The following CLDN18 variants were observed in gnomAD, a reference collection of about 807,000 sequenced individuals.
The protein encoded by CLDN18 is claudin 18.
A neutral mutation model predicts 25.0 loss-of-function variants in CLDN18; 20 were observed. The ratio of observed to expected loss-of-function variants is 0.80; its 90% CI spans 0.56 to 1.16. The LOEUF is 1.16. Among genes scored for constraint, CLDN18 ranks in the 50% most tolerant of loss-of-function variants. The pLI is 0.00. For synonymous variants in CLDN18, 125 were observed against 135.6 expected, an observed-to-expected ratio of 0.92 and a Z score of 0.54; for missense variants, 297 against 345.4, an observed-to-expected ratio of 0.86 and a Z score of 1.11.
intron 1 of CLDN18, among the ~76,000 whole-genome samples, chr3:138,011,122 A>G (rs1942133122): frequency 6.6e-6 from 1 of 152,218 alleles, no homozygotes; most frequent in African/African-American, 2.4e-5. Flanking sequence ...TGCTTTTAAT[A>G]TAGATAATTA....
intron 3 of CLDN18, among the ~76,000 whole-genome samples, chr3:138,028,476 C>T (rs1197895274): frequency 6.6e-6 from 1 of 152,146 alleles, no homozygotes; most frequent in Non-Finnish European, 1.5e-5. Flanking sequence ...TAGCTTGTGT[C>T]GTAGACTTTA....
At chr3:138,015,873 G>C (rs889291590) in intron 1 of CLDN18, among the ~76,000 whole-genome samples, 8 of 152,150 alleles carry the variant, frequency 5.3e-5, no homozygotes, top group African/African-American at 1.9e-4. Context: ...GGAACTTACA[G>C]CTATAGAAGA....
chr3:138,030,115 G>A (rs1346433217), intron 4 of CLDN18, among the ~76,000 whole-genome samples: 1 of 152,224 alleles, frequency 6.6e-6, no homozygotes, highest in Non-Finnish European at 1.5e-5. Context: ...GATCCTATTT[G>A]AAAGAAAAAT....
intron 1 of CLDN18, among the ~76,000 whole-genome samples, chr3:138,019,649 T>C (rs1942248188): frequency 6.6e-6 from 1 of 152,212 alleles, no homozygotes; most frequent in African/African-American, 2.4e-5. Flanking sequence ...CCTTGAAATT[T>C]TGCTTTGAAT....
At chr3:138,016,377 T>C (rs1282239994) in intron 1 of CLDN18, among the ~76,000 whole-genome samples, 1 of 151,018 alleles carries the variant, frequency 6.6e-6, no homozygotes, top group East Asian at 1.9e-4. Context: ...TATATGGGGG[T>C]TGACCCATTT....
chr3:138,010,573 GAAT>G lies in CLDN18; in HGVS notation c.220+131_220+133del, dbSNP rs1406541960. The G allele has an allele frequency of 1.1e-5, 13 of 1,201,392 alleles. No individual in the cohort carries two copies. The African/African-American group carries it at 1.4e-4, about 13-fold the overall frequency. The allele number at this position is 1,201,392 out of a possible 1,614,324, so 74.4% of individuals were successfully genotyped here. The stretch of plus-strand genomic sequence containing the variant: ...AGCTCTGGCTCAGAATGAAAGGTGT[GAAT>G]AAAAGGAGAAGCTGGCTCGTGTCTA... On this transcript the variant is annotated intron_variant, in intron 1 of 4. Coordinates refer to ENST00000183605, the MANE Select transcript of CLDN18 (RefSeq NM_016369.4).
At position 138,032,203 on chromosome 3, in the gene CLDN18, T is replaced by G. The variant is rs1227637356; in HGVS notation, c.*1062T>G. 6.6e-6 allele frequency: 1 copy of G among 152,296 alleles called. No homozygotes were observed. The highest frequency in any genetic ancestry group is 1.9e-4 in the East Asian group (1 of 5,186). 9.4% of individuals were successfully genotyped at this position (152,296 alleles called of 1,614,324 possible). On this transcript the variant is annotated 3_prime_UTR_variant, in exon 5 of 5. Transcript: ENST00000183605. ...GGGAGGCTGAGGAGGAAGGATCACT[T>G]GAGCCCAGAAGTTCGAGACTAGCCT...
At position 138,018,662 on chromosome 3, in the gene CLDN18, G is replaced by C. The variant is rs954721320; in HGVS notation, c.221-4996G>C. ...TCAAGGCCTTTTATAAGGCCTCAAC[G>C]TCATTCCTGAGGGTACCTCCTACAG... On this transcript the variant is annotated intron_variant, in intron 1 of 4. Transcript: ENST00000183605. Among the ~76,000 whole-genome samples the C allele has an allele frequency of 5.3e-5, 8 of 152,324 alleles. No homozygotes were observed. The East Asian group carries it at 9.6e-4, about 18-fold the overall frequency.
chr3:138,031,229 T>A lies in CLDN18; in HGVS notation c.*88T>A. 8.1e-7 allele frequency: 1 copy of A among 1,241,068 alleles called. No individual in the cohort carries two copies. Among genetic ancestry groups the A allele is most frequent in the Non-Finnish European group, 1.1e-6 (1 of 902,026 alleles). The allele number at this position is 1,241,068 out of a possible 1,614,324, so 76.9% of individuals were successfully genotyped here. The stretch of plus-strand genomic sequence containing the variant: ...AGATCCCATCTAGATTTCTTCTTGC[T>A]TTTGACTCACAGCTGGAAGTTAGAA... On this transcript the variant is annotated 3_prime_UTR_variant, in exon 5 of 5. Transcript: ENST00000183605.
intron 1 of CLDN18, among the ~76,000 whole-genome samples, chr3:138,001,332 C>T (rs1246145371): frequency 6.6e-6 from 1 of 151,556 alleles, no homozygotes; most frequent in Non-Finnish European, 1.5e-5. Flanking sequence ...CAGAATTCTC[C>T]TTGAATGGGG....
In CLDN18 at chr3:138,015,261, C is replaced by A. The variant is rs149669963; in HGVS notation, c.220+4816C>A. 1.7e-3 allele frequency among the ~76,000 whole-genome samples: 255 copies of A among 152,202 alleles called. 1 individual carries two copies. Among genetic ancestry groups the A allele is most frequent in the African/African-American group, 5.8e-3 (240 of 41,520 alleles). On this transcript the variant is annotated intron_variant, in intron 1 of 4. Coordinates refer to ENST00000183605, the MANE Select transcript of CLDN18 (RefSeq NM_016369.4). ...AACAATGCAAGGAGATAAAACAGCC[C>A]GAGATGACACCTGTGGGGCTCCTAA...
chr3:138,018,397 C>T (rs894051024), intron 1 of CLDN18, among the ~76,000 whole-genome samples: 24 of 138,096 alleles, frequency 1.7e-4, no homozygotes, highest in East Asian at 1.1e-3. Flanking sequence ...AGTGCAGTGG[C>T]GGGATCTCGG....
At position 138,016,928 on chromosome 3, in the gene CLDN18, C is replaced by T. The variant is rs571542701; in HGVS notation, c.220+6483C>T. On this transcript the variant is annotated intron_variant, in intron 1 of 4. Transcript: ENST00000183605. ...CAAATTAGTCAGGCATGGTGGCATG[C>T]GCCTCTAGTCCCAGCTACTAGGGAA... 7.8e-4 allele frequency among the ~76,000 whole-genome samples: 119 copies of T among 152,148 alleles called. 1 individual carries two copies. The highest frequency in any genetic ancestry group is 1.3e-3 in the Non-Finnish European group (85 of 67,994).
intron 1 of CLDN18, among the ~76,000 whole-genome samples, chr3:138,020,491 TTATC>T (rs1942257827): frequency 6.6e-6 from 1 of 152,204 alleles, no homozygotes; most frequent in Admixed American, 6.5e-5. Context: ...AAGTTCTACA[TTATC>T]TAACTCTCCT....
chr3:138,015,831 C>T lies in CLDN18; in HGVS notation c.220+5386C>T, dbSNP rs371530738. On this transcript the variant is annotated intron_variant, in intron 1 of 4. Transcript: ENST00000183605. Reference sequence around the variant, plus strand: ...GCAAAATCTCACTTAACTTTTCATTCGTCTGACAAAAATGTATCATCATGT... The same window carrying T: ...GCAAAATCTCACTTAACTTTTCATTTGTCTGACAAAAATGTATCATCATGT... Among the ~76,000 whole-genome samples the T allele has an allele frequency of 5.7e-4, 87 of 152,262 alleles. No homozygotes were observed. The Middle Eastern group carries it at 0.01, about 18-fold the overall frequency.
Position 138,031,092 on chromosome 3 carries a change from G to T in CLDN18, c.737G>T (p.Arg246Leu). 1 of 1,613,970 alleles carries T rather than the reference G, an allele frequency of 6.2e-7. No individual in the cohort carries two copies. Among genetic ancestry groups the T allele is most frequent in the Non-Finnish European group, 8.5e-7 (1 of 1,179,978 alleles). ...KNKKIYDGGA[R>L]TEDEVQSYPS... ...AAGAAGATATACGATGGAGGTGCCC[G>T]CACAGAGGACGAGGTACAATCTTAT... Residue 246 changes from arginine to leucine, a missense_variant, in exon 5 of 5, where the codon CGC (arginine) becomes CTC (leucine). By Grantham distance (102) the Arg-to-Leu change is moderately radical. Coordinates refer to ENST00000183605, the MANE Select transcript of CLDN18 (RefSeq NM_016369.4).
rs1218344613 is a variant in CLDN18 at position 138,010,385 on chromosome 3, G to A, written c.160G>A (p.Val54Met). The A allele has an allele frequency of 3.7e-6, 6 of 1,614,118 alleles. No individual in the cohort carries two copies. The highest frequency in any genetic ancestry group is 1.3e-5 in the African/African-American group (1 of 74,942). The change falls in exon 1 of 5, where the codon GTG (valine) becomes ATG (methionine). Residue 54 changes from valine to methionine, a missense_variant. Val to Met is a conservative substitution (Grantham distance 21). Coordinates refer to ENST00000183605, the MANE Select transcript of CLDN18 (RefSeq NM_016369.4). ...FQYEGLWRSC[V>M]RQSSGFTECR... ...GTACGAAGGGCTCTGGAGGAGCTGCGTGAGGCAGAGTTCAGGCTTCACCGA... is the reference window on the plus strand; with the variant it reads ...GTACGAAGGGCTCTGGAGGAGCTGCATGAGGCAGAGTTCAGGCTTCACCGA...
chr3:138,024,308 T>C (rs1942301302), intron 2 of CLDN18, among the ~76,000 whole-genome samples: 1 of 152,186 alleles, frequency 6.6e-6, no homozygotes, highest in African/African-American at 2.4e-5. Context: ...TAAGGGAAGA[T>C]ACTTTGACAT....
chr3:138,005,230 TTGA>T (rs1339259480), upstream of CLDN18: 1 of 152,194 alleles, frequency 6.6e-6, no homozygotes, highest in African/African-American at 2.4e-5. Flanking sequence ...TTTTCTATTT[TTGA>T]TGATGAATAT....
Sources: gnomAD v4.1 joint callset for allele counts (sites outside exome capture counted in the v4.1 genomes callset) on GRCh38, gnomAD v4.1.1 for gene constraint, MANE v1.5 for transcripts, NCBI Gene and HGNC (gene_info 2026-07-23, HGNC 2026-07-21) for gene names.